DNASE1: variants seen among roughly 807,000 people sequenced by gnomAD.
The protein encoded by DNASE1 is deoxyribonuclease-1.
In DNASE1, 40 loss-of-function variants were observed where a neutral mutation model predicts 33.9. The observed-to-expected ratio is 1.18, with a 90% CI of 0.92 to 1.54. The LOEUF is 1.54. Among genes scored for constraint, DNASE1 ranks in the 40% most tolerant of loss-of-function variants. The pLI is 0.00. For missense variants in DNASE1, 518 were observed against 372.6 expected (o/e 1.39, Z -3.21); for synonymous variants, 216 against 160.0 (o/e 1.35, Z -2.64).
downstream of DNASE1, chr16:3,659,580 A>C (rs779963099): frequency 2.0e-5 from 3 of 152,160 alleles, no homozygotes; most frequent in Admixed American, 2.0e-4. Flanking sequence ...CTTAACATGA[A>C]TATTATAATT....
chr16:3,661,005 T>C (rs539275463), downstream of DNASE1: 2 of 152,282 alleles, frequency 1.3e-5, no homozygotes, highest in South Asian at 2.1e-4. Flanking sequence ...CTGTTTTCTA[T>C]TTTTGGTAAC....
intron 1 of DNASE1, among the ~76,000 whole-genome samples, chr16:3,614,574 C>T (rs2041033578): frequency 6.6e-6 from 1 of 152,028 alleles, no homozygotes; most frequent in Admixed American, 6.6e-5. Flanking sequence ...TTTGGGTGGT[C>T]TCTAGTTGCT....
upstream of DNASE1, chr16:3,640,704 CCTT>C (rs1157540749): frequency 5.0e-6 from 2 of 398,508 alleles, no homozygotes; most frequent in African/African-American, 2.1e-5. Flanking sequence ...CTCCCCTTTT[CCTT>C]CTTTTAGTGA....
chr16:3,631,021 AT>A (rs2041679554), intron 1 of DNASE1, among the ~76,000 whole-genome samples: 1 of 151,596 alleles, frequency 6.6e-6, no homozygotes, highest in Non-Finnish European at 1.5e-5. Context: ...ACCTTATAGG[AT>A]TTTATTTATT....
intron 1 of DNASE1, among the ~76,000 whole-genome samples, chr16:3,633,139 G>C (rs953132312): frequency 2.0e-5 from 3 of 152,168 alleles, no homozygotes; most frequent in Non-Finnish European, 4.4e-5. Flanking sequence ...TATTGGTACA[G>C]TTAGATTAAT....
chr16:3,644,876 C>G (rs1043912416), intron 1 of DNASE1, among the ~76,000 whole-genome samples: 1 of 152,114 alleles, frequency 6.6e-6, no homozygotes, highest in East Asian at 1.9e-4. Context: ...CGCCTGTAAT[C>G]CCAGCACTTT....
At chr16:3,626,251 A>G (rs1337600555) in intron 1 of DNASE1, among the ~76,000 whole-genome samples, 1 of 152,218 alleles carries the variant, frequency 6.6e-6, no homozygotes, top group South Asian at 2.1e-4. Context: ...GCCAACAGGT[A>G]TATGAAGAAG....
rs59621760 is a variant in DNASE1, at chr16:3,657,063, C to G, written c.501C>G (p.Asp167Glu). ...AAPGDAVAEI[D>E]ALYDVYLDVQ... ...CGGGGGACGCAGTAGCCGAGATCGA[C>G]GCTCTCTATGACGTCTACCTGGATG... Residue 167 changes from aspartate (D) to glutamate (E), a missense_variant, in exon 6 of 9, where the codon GAC becomes GAG. By Grantham distance (45) the Asp-to-Glu change is conservative (BLOSUM62 2). Coordinates refer to ENST00000246949, the MANE Select transcript of DNASE1 (RefSeq NM_005223.4). 1.2e-5 allele frequency: 20 copies of G among 1,613,954 alleles called. No individual in the cohort carries two copies. The highest frequency in any genetic ancestry group is 1.6e-5 in the Non-Finnish European group (19 of 1,180,022).
chr16:3,645,810 CAG>C (rs1253369278), intron 1 of DNASE1, among the ~76,000 whole-genome samples: 1 of 152,226 alleles, frequency 6.6e-6, no homozygotes, highest in African/African-American at 2.4e-5. Context: ...TTATTATAAA[CAG>C]AAATTAATTC....
chr16:3,627,937 C>CAAAAAAAAA (rs55920324), intron 1 of DNASE1, among the ~76,000 whole-genome samples: 2 of 80,400 alleles, frequency 2.5e-5, no homozygotes, highest in African/African-American at 1.1e-4. Context: ...TCTATTTCTG[C>CAAAAAAAAA]AAAAAAAAAA....
chr16:3,657,519 A>G (rs1035224552), intron 7 of DNASE1, among the ~76,000 whole-genome samples, 178 bp downstream of exon 7: 1 of 152,196 alleles, frequency 6.6e-6, no homozygotes, highest in African/African-American at 2.4e-5. Flanking sequence ...TCGGAAAAGC[A>G]CATCTGGGGA....
chr16:3,656,936 C>T, intron 5 of DNASE1, 63 bp from the exon 6 acceptor site: 3 of 1,585,676 alleles, frequency 1.9e-6, no homozygotes, highest in Non-Finnish European at 2.6e-6. Context: ...ATAGTTCCAG[C>T]TGACATGGTG....
In DNASE1 at chr16:3,656,165, G is replaced by A. The variant is rs144007099; in HGVS notation, c.300G>A (p.Glu100=). 5.9e-4 allele frequency: 957 copies of A among 1,613,964 alleles called. 4 individuals are homozygous for A. The highest frequency in any genetic ancestry group is 9.9e-4 in the Middle Eastern group (6 of 6,084). ...SEPLGRNSYK[E]RYLFVYRPDQ... Reference sequence around the variant, plus strand: ...CACTGGGACGGAACAGCTATAAGGAGCGCTACCTGTTCGTGTACAGGTGGG... The same window carrying A: ...CACTGGGACGGAACAGCTATAAGGAACGCTACCTGTTCGTGTACAGGTGGG... The change falls in exon 4 of 9, where the codon GAG becomes GAA. Residue 100 remains glutamate, a synonymous_variant. Transcript: ENST00000246949.
rs56670885 is a variant in DNASE1 at position 3,617,326 on chromosome 16, C to CAAAAAAAAAAAAAAAA, written c.-1359+5332_-1359+5347dup. 2.0e-3 allele frequency among the ~76,000 whole-genome samples: 114 copies of CAAAAAAAAAAAAAAAA among 57,706 alleles called. 5 individuals carry two copies. Among genetic ancestry groups the CAAAAAAAAAAAAAAAA allele is most frequent in the African/African-American group, 6.6e-3 (85 of 12,916 alleles). 37.9% of individuals were successfully genotyped at this position (57,706 alleles called of 152,430 possible). On this transcript the variant is annotated intron_variant and NMD_transcript_variant, in intron 1 of 11. Coordinates refer to the DNASE1 transcript ENST00000570769. ...AGTCAACAAGAGCGAAACTCCATCT[C>CAAAAAAAAAAAAAAAA]AAAAAAAAAAAAAAAAAAAAAAAAA...
At chr16:3,660,590 G>C (rs532802567), downstream of DNASE1, 1 of 152,386 alleles carries the variant, frequency 6.6e-6, no homozygotes, top group South Asian at 2.1e-4. Context: ...TGCTCCAGCA[G>C]AGGCACAGGC....
intron 7 of DNASE1, 147 bp from the exon 8 acceptor site, chr16:3,657,573 T>C: frequency 8.1e-7 from 1 of 1,233,910 alleles, no homozygotes; most frequent in Admixed American, 2.0e-5. Context: ...GGTTTCCACA[T>C]TGAGGGGCAC....
At chr16:3,651,764 A>G (rs542858494), upstream of DNASE1, 1 of 152,744 alleles carries the variant, frequency 6.5e-6, no homozygotes, top group South Asian at 2.1e-4. Flanking sequence ...CAGACCTGGC[A>G]GTGTGAGAGA....
intron 1 of DNASE1, among the ~76,000 whole-genome samples, chr16:3,617,158 C>T (rs2041132478): frequency 6.6e-6 from 1 of 151,482 alleles, no homozygotes; most frequent in Admixed American, 6.6e-5. Flanking sequence ...GAAACCCCGT[C>T]TGTACTAAAA....
At chr16:3,614,361 T>C (rs906274366) in intron 1 of DNASE1, among the ~76,000 whole-genome samples, 2 of 152,118 alleles carry the variant, frequency 1.3e-5, no homozygotes, top group Non-Finnish European at 2.9e-5. Context: ...CCTGAAATAA[T>C]TTACTTACAT....
Sources: allele counts gnomAD v4.1 joint callset (sites outside exome capture counted in the v4.1 genomes callset), GRCh38; gene constraint gnomAD v4.1.1; transcripts MANE v1.5; gene names NCBI Gene and HGNC (gene_info 2026-07-23, HGNC 2026-07-21).